The following SYBU variants were observed in gnomAD, a reference collection of about 807,000 sequenced individuals.
The protein encoded by SYBU is syntabulin.
In SYBU, 21 loss-of-function variants were observed where a neutral mutation model predicts 35.9. The observed-to-expected ratio is 0.58, with a 90% CI of 0.41 to 0.84. SYBU has a LOEUF of 0.84. Ranked by LOEUF, SYBU falls within the 40% of genes least tolerant of loss-of-function variation. The pLI is 0.00. For missense variants in SYBU, 768 were observed against 848.2 expected, an observed-to-expected ratio of 0.91 and a Z score of 1.17; for synonymous variants, 319 against 324.3, an observed-to-expected ratio of 0.98 and a Z score of 0.18.
At chr8:109,674,825 G>C (rs1337637064) in intron 1 of SYBU, among the ~76,000 whole-genome samples, 2 of 152,108 alleles carry the variant, frequency 1.3e-5, no homozygotes, top group Non-Finnish European at 2.9e-5. Context: ...TCTACACCAA[G>C]TCAACGGAAT....
At position 109,579,936 on chromosome 8, in the gene SYBU, C is replaced by T. The variant is rs547903490; in HGVS notation, c.597G>A (p.Pro199=). ...GCATGGACAGAAGGTCCTTTTCCCGCGGGGATGATGGGCTGCTGCCAGGCT... is the reference window on the plus strand; with the variant it reads ...GCATGGACAGAAGGTCCTTTTCCCGTGGGGATGATGGGCTGCTGCCAGGCT... ...SHKPGSSPSS[P]REKDLLSMLC... The change falls in exon 5 of 7, where the codon CCG becomes CCA. Residue 199 remains proline, a synonymous_variant. Coordinates refer to ENST00000276646, the MANE Select transcript of SYBU (RefSeq NM_001099754.2). 18 of 1,613,846 alleles carry T rather than the reference C, an allele frequency of 1.1e-5. No individual in the cohort carries two copies. The highest frequency in any genetic ancestry group is 3.3e-5 in the South Asian group (3 of 91,056).
rs956147507 is a variant in SYBU, at chr8:109,574,394, A to G, written c.*512T>C. On this transcript the variant is annotated 3_prime_UTR_variant, in exon 7 of 7. Transcript: ENST00000276646. Reference sequence around the variant, plus strand: ...GGAGCTACATTTAGTAAAAAATTGCAAACACTCAAATCTTATCAACCCCAA... The same window carrying G: ...GGAGCTACATTTAGTAAAAAATTGCGAACACTCAAATCTTATCAACCCCAA... 6.5e-6 allele frequency: 1 copy of G among 152,810 alleles called. No individual in the cohort carries two copies. The allele number at this position is 152,810 out of a possible 1,614,324, so 9.5% of individuals were successfully genotyped here. A position where few individuals can be genotyped will look rare whatever the true frequency, so the allele number is the denominator to read the frequency against.
intron 3 of SYBU, among the ~76,000 whole-genome samples, chr8:109,612,623 T>C (rs987075378): frequency 4.6e-5 from 7 of 152,236 alleles, no homozygotes; most frequent in African/African-American, 1.2e-4. Flanking sequence ...CAATCTGCTT[T>C]TACATCAATT....
intron 3 of SYBU, among the ~76,000 whole-genome samples, chr8:109,613,260 A>C (rs1028813099): frequency 6.6e-6 from 1 of 152,190 alleles, no homozygotes; most frequent in African/African-American, 2.4e-5. Context: ...CCTGTACATG[A>C]AGTGCACAGA....
intron 1 of SYBU, among the ~76,000 whole-genome samples, chr8:109,678,280 A>G (rs1440989027): frequency 6.6e-6 from 1 of 151,848 alleles, no homozygotes; most frequent in African/African-American, 2.4e-5. Context: ...ATGAAGCATC[A>G]CATTTGCACC....
chr8:109,658,274 T>C (rs1167352697), intron 1 of SYBU, among the ~76,000 whole-genome samples: 1 of 152,196 alleles, frequency 6.6e-6, no homozygotes, highest in Non-Finnish European at 1.5e-5. Flanking sequence ...GAGGCACTAA[T>C]ATATATAAAG....
At chr8:109,622,844 A>G (rs2130420695) in intron 2 of SYBU, among the ~76,000 whole-genome samples, 1 of 152,342 alleles carries the variant, frequency 6.6e-6, no homozygotes, top group Middle Eastern at 3.4e-3. Context: ...TTGCAGAAAT[A>G]CTGAATAATG....
intron 3 of SYBU, among the ~76,000 whole-genome samples, chr8:109,605,216 T>C (rs1034906702): frequency 6.6e-6 from 1 of 152,148 alleles, no homozygotes; most frequent in Admixed American, 6.5e-5. Context: ...GAATAGAAAG[T>C]GGGGCATTAT....
intron 3 of SYBU, among the ~76,000 whole-genome samples, chr8:109,610,598 C>A (rs1473537059): frequency 6.6e-6 from 1 of 152,210 alleles, no homozygotes; most frequent in African/African-American, 2.4e-5. Flanking sequence ...TACTTGGCTG[C>A]TCTTAGATAC....
At chr8:109,660,151 C>T (rs1254478456) in intron 1 of SYBU, among the ~76,000 whole-genome samples, 2 of 152,014 alleles carry the variant, frequency 1.3e-5, no homozygotes, top group Non-Finnish European at 2.9e-5. Context: ...AAACTAGAAC[C>T]ATAGTTTTTG....
intron 2 of SYBU, among the ~76,000 whole-genome samples, chr8:109,624,598 C>T (rs1304599609): frequency 6.6e-6 from 1 of 152,224 alleles, no homozygotes; most frequent in Non-Finnish European, 1.5e-5. Flanking sequence ...GTCTTCTTCC[C>T]ATCGCCAACA....
Position 109,691,503 on chromosome 8 carries a change from C to T in SYBU, c.-228G>A, listed in dbSNP as rs1178641468. On this transcript the variant is annotated 5_prime_UTR_variant, in exon 1 of 8. Coordinates refer to the SYBU transcript ENST00000422135. This position sits in a 1 kb window ranked among gnomAD's most constrained non-coding sequence, Gnocchi z 4.7. Reference sequence around the variant, plus strand: ...GCCCGGCCCGCTCCGCCCGCCTTAGCCCGGCTTGGACACGTGGTGCCGCGG... The same window carrying T: ...GCCCGGCCCGCTCCGCCCGCCTTAGTCCGGCTTGGACACGTGGTGCCGCGG... The T allele has an allele frequency of 5.9e-6, 3 of 511,574 alleles. No homozygotes were observed. The highest frequency in any genetic ancestry group is 4.3e-5 in the Admixed American group (1 of 23,114). 31.7% of individuals were successfully genotyped at this position (511,574 alleles called of 1,614,324 possible).
chr8:109,644,165 C>G (rs1243405073), intron 1 of SYBU: 1 of 460,446 alleles, frequency 2.2e-6, no homozygotes, highest in Non-Finnish European at 4.4e-6. Context: ...CCACTCTACC[C>G]GGGGGCCGCC....
At chr8:109,624,770 T>C (rs1419945914) in intron 2 of SYBU, among the ~76,000 whole-genome samples, 2 of 151,874 alleles carry the variant, frequency 1.3e-5, no homozygotes, top group Non-Finnish European at 2.9e-5. Context: ...TGAGTTAAAT[T>C]AGAGATTGGC....
At chr8:109,578,113 C>G in intron 5 of SYBU, 96 bp from the exon 6 acceptor site, 1 of 1,330,014 alleles carries the variant, frequency 7.5e-7, no homozygotes. Context: ...ATGTCTGTGT[C>G]CCTCCAGAAT....
At chr8:109,685,282 G>A (rs1323573259), upstream of SYBU, among the ~76,000 whole-genome samples, 1 of 152,122 alleles carries the variant, frequency 6.6e-6, no homozygotes, top group African/African-American at 2.4e-5. Flanking sequence ...TTTAATGCAT[G>A]GAGGAAAACA....
At chr8:109,684,160 G>C (rs1230195213), upstream of SYBU, among the ~76,000 whole-genome samples, 1 of 152,130 alleles carries the variant, frequency 6.6e-6, no homozygotes, top group South Asian at 2.1e-4. Flanking sequence ...TAAGTGTTTA[G>C]GTATTGTCAG....
chr8:109,666,991 A>T (rs1235192301), intron 1 of SYBU, among the ~76,000 whole-genome samples: 1 of 152,216 alleles, frequency 6.6e-6, no homozygotes, highest in Non-Finnish European at 1.5e-5. Context: ...GGCATACCAC[A>T]ATAAAATGCC....
upstream of SYBU, among the ~76,000 whole-genome samples, chr8:109,683,701 G>C (rs1817456603): frequency 6.6e-6 from 1 of 152,054 alleles, no homozygotes; most frequent in South Asian, 2.1e-4. Context: ...AGAATGATAG[G>C]GTTTGGTTCT....
Sources: allele counts gnomAD v4.1 joint callset (sites outside exome capture counted in the v4.1 genomes callset), GRCh38; gene constraint gnomAD v4.1.1; non-coding constraint Gnocchi (gnomAD v3.1); transcripts MANE v1.5; gene names NCBI Gene and HGNC (gene_info 2026-07-23, HGNC 2026-07-21).